Variants in SEMA5B observed in about 807,000 individuals in gnomAD.
SEMA5B encodes the protein semaphorin-5B.
A neutral mutation model predicts 135.0 loss-of-function variants in SEMA5B; 66 were observed. The ratio of observed to expected loss-of-function variants is 0.49; its 90% confidence interval spans 0.40 to 0.60. SEMA5B has a LOEUF of 0.60. SEMA5B is among the 20% of genes least tolerant of loss of function. The probability of loss-of-function intolerance (pLI) is 0.00; values close to 1 mark genes in which losing one functional copy is unlikely to be tolerated. For missense variants in SEMA5B, 1,501 were observed against 1,566.3 expected, an observed-to-expected ratio of 0.96 and a Z score of 0.70; for synonymous variants, 690 against 639.5, an observed-to-expected ratio of 1.08 and a Z score of -1.19.
chr3:122,994,012 C>T (rs1941958205), intron 1 of SEMA5B, among the ~76,000 whole-genome samples: 1 of 152,076 alleles, frequency 6.6e-6, no homozygotes, highest in African/African-American at 2.4e-5. Flanking sequence ...CCCACCTGGC[C>T]CCATCTCAGA....
chr3:122,985,536 G>C (rs372119657), intron 1 of SEMA5B, among the ~76,000 whole-genome samples: 3 of 151,936 alleles, frequency 2.0e-5, no homozygotes, highest in Non-Finnish European at 4.4e-5. Context: ...TGAGAAAAAT[G>C]TTGTCCCCAG....
At chr3:122,914,256 G>A (rs1307729926) in intron 14 of SEMA5B, among the ~76,000 whole-genome samples, 2 of 152,202 alleles carry the variant, frequency 1.3e-5, no homozygotes, top group African/African-American at 4.8e-5. Context: ...GTAGAGGTAG[G>A]ACATGGCCCC....
intron 5 of SEMA5B, among the ~76,000 whole-genome samples, chr3:122,935,364 C>T (rs1939214346): frequency 6.6e-6 from 1 of 150,660 alleles, no homozygotes; most frequent in Non-Finnish European, 1.5e-5. Flanking sequence ...CTGATCACAC[C>T]CCATCAGTGC....
intron 4 of SEMA5B, among the ~76,000 whole-genome samples, chr3:122,942,549 T>G (rs1183774902): frequency 6.6e-6 from 1 of 152,186 alleles, no homozygotes; most frequent in East Asian, 1.9e-4. Flanking sequence ...GAGACCTGGC[T>G]GTAGTCCCCA....
At chr3:122,960,909 A>C (rs1240305140) in intron 2 of SEMA5B, among the ~76,000 whole-genome samples, 2 of 152,190 alleles carry the variant, frequency 1.3e-5, no homozygotes, top group Non-Finnish European at 2.9e-5. Flanking sequence ...GCTGCATAAC[A>C]ATGTGAGTGT....
At chr3:123,008,821 C>G (rs1482132225) in intron 1 of SEMA5B, among the ~76,000 whole-genome samples, 4 of 152,096 alleles carry the variant, frequency 2.6e-5, no homozygotes, top group South Asian at 2.1e-4. Flanking sequence ...TGTCAACCAA[C>G]AGTGGCAGGG....
At chr3:122,924,309 A>G (rs1938514601) in intron 9 of SEMA5B, among the ~76,000 whole-genome samples, 1 of 152,196 alleles carries the variant, frequency 6.6e-6, no homozygotes, top group Admixed American at 6.5e-5. Context: ...AACAGCTCAC[A>G]GAGAGGAAAC....
chr3:122,958,964 A>G (rs1050226130), intron 2 of SEMA5B, among the ~76,000 whole-genome samples: 2 of 152,136 alleles, frequency 1.3e-5, no homozygotes, highest in African/African-American at 2.4e-5. Flanking sequence ...TCCAGCTGCA[A>G]TGGGGAAGAT....
At chr3:122,922,655 A>G (rs1938424006) in intron 10 of SEMA5B, among the ~76,000 whole-genome samples, 1 of 152,104 alleles carries the variant, frequency 6.6e-6, no homozygotes, top group African/African-American at 2.4e-5. Context: ...GAGACTGGGG[A>G]GATGGGGAAG....
chr3:122,976,131 A>G, intron 1 of SEMA5B: 1 of 1,535,258 alleles, frequency 6.5e-7, no homozygotes. Flanking sequence ...CATGTGGTTT[A>G]TACACTCTCA....
At chr3:122,969,112 T>C (rs775656156) in intron 1 of SEMA5B, among the ~76,000 whole-genome samples, 18 of 152,238 alleles carry the variant, frequency 1.2e-4, no homozygotes, top group Admixed American at 2.6e-4. Flanking sequence ...AAATGTGATC[T>C]CATTTCATCC....
intron 1 of SEMA5B, among the ~76,000 whole-genome samples, chr3:122,966,863 C>CTAT (rs755147289): frequency 0.079 from 6,107 of 77,470 alleles, 152 homozygotes; most frequent in South Asian, 0.11. Flanking sequence ...CGGCCTATTA[C>CTAT]TATTATTATT....
At chr3:122,911,306 T>A (rs1028066558) in intron 21 of SEMA5B, 185 bp downstream of exon 21, 19 of 1,490,890 alleles carry the variant, frequency 1.3e-5, no homozygotes, top group Non-Finnish European at 1.6e-5. Context: ...AGACTGATGA[T>A]GGCCTCCTAG....
chr3:122,915,397 C>G, intron 14 of SEMA5B, 43 bp downstream of exon 14: 2 of 1,554,358 alleles, frequency 1.3e-6, no homozygotes, highest in South Asian at 2.5e-5. Context: ...TTCTCCCCAC[C>G]CTGGTCCAAG....
At chr3:123,017,570 G>A (rs1042348022) in intron 1 of SEMA5B, among the ~76,000 whole-genome samples, 1 of 152,152 alleles carries the variant, frequency 6.6e-6, no homozygotes, top group African/African-American at 2.4e-5. Context: ...CTAAAGCAGT[G>A]TCTCCAACTG....
intron 1 of SEMA5B, among the ~76,000 whole-genome samples, chr3:123,023,098 G>GA (rs1377178985): frequency 6.6e-6 from 1 of 152,184 alleles, no homozygotes; most frequent in Non-Finnish European, 1.5e-5. Flanking sequence ...CGATGCCAGT[G>GA]AAAAATCCAG....
intron 2 of SEMA5B, among the ~76,000 whole-genome samples, chr3:122,955,944 A>G (rs1166045944): frequency 2.6e-5 from 4 of 152,242 alleles, no homozygotes; most frequent in Non-Finnish European, 5.9e-5. Flanking sequence ...AGGGAGGTTC[A>G]CAAGACAAAA....
At chr3:122,952,785 T>C (rs1940115439) in intron 2 of SEMA5B, among the ~76,000 whole-genome samples, 1 of 152,186 alleles carries the variant, frequency 6.6e-6, no homozygotes, top group Non-Finnish European at 1.5e-5. Context: ...AAGGAGGCCC[T>C]GCTTGGGTTT....
At chr3:123,007,871 A>G (rs1267812694) in intron 1 of SEMA5B, among the ~76,000 whole-genome samples, 1 of 152,262 alleles carries the variant, frequency 6.6e-6, no homozygotes, top group Non-Finnish European at 1.5e-5. Flanking sequence ...CAAGTACAGT[A>G]TAAATCCAAT....
Sources: allele counts gnomAD v4.1 joint callset (sites outside exome capture counted in the v4.1 genomes callset), GRCh38; gene constraint gnomAD v4.1.1; transcripts MANE v1.5; gene names NCBI Gene and HGNC (gene_info 2026-07-23, HGNC 2026-07-21).